SAV1: variants seen among roughly 807,000 people sequenced by gnomAD.
SAV1 encodes the protein protein salvador homolog 1.
SAV1 carries 23 observed loss-of-function variants against 47.3 expected under a neutral mutation model. The observed-to-expected ratio is 0.49, with a 90% CI of 0.35 to 0.69. SAV1 has a LOEUF of 0.69. Among genes scored for constraint, SAV1 ranks in the 30% least tolerant of loss-of-function variants. The pLI, the probability that SAV1 is intolerant of heterozygous loss-of-function variation, is 0.01. For synonymous variants in SAV1, 155 were observed against 159.2 expected (o/e 0.97, Z 0.20); for missense variants, 448 against 457.4 (o/e 0.98, Z 0.19).
Position 50,664,135 on chromosome 14 carries a change from CA to C in SAV1, c.535+1043del, listed in dbSNP as rs1046472716. ...TTACAGTTAGTATCACAAAGTATAA[CA>C]ATTTTTCTGTGACCATTGTGTATAG... On this transcript the variant is annotated intron_variant, in intron 2 of 4. Coordinates refer to ENST00000324679, the MANE Select transcript of SAV1 (RefSeq NM_021818.4). 2.3e-4 allele frequency: 35 copies of C among 152,256 alleles called. 1 individual carries two copies. The highest frequency in any genetic ancestry group is 7.7e-4 in the African/African-American group (32 of 41,540). The allele number at this position is 152,256 out of a possible 1,614,324, so 9.4% of individuals were successfully genotyped here.
At chr14:50,659,933 ACAGG>A (rs1342453168) in intron 2 of SAV1, among the ~76,000 whole-genome samples, 6 of 152,192 alleles carry the variant, frequency 3.9e-5, no homozygotes, top group Non-Finnish European at 8.8e-5. Flanking sequence ...GACTGGCCAA[ACAGG>A]CCAGGCCACT....
intron 3 of SAV1, among the ~76,000 whole-genome samples, chr14:50,643,314 G>C (rs1207063384): frequency 6.6e-6 from 1 of 152,146 alleles, no homozygotes; most frequent in Non-Finnish European, 1.5e-5. Context: ...AAGAAAAGAG[G>C]TTTAATTGAC....
chr14:50,645,133 T>C (rs2039711246), intron 2 of SAV1, 119 bp from the exon 3 acceptor site: 3 of 827,566 alleles, frequency 3.6e-6, no homozygotes, highest in African/African-American at 3.5e-5. Context: ...TTTAAATTCA[T>C]GATTATGCCC....
chr14:50,667,768 C>A, intron 1 of SAV1, 106 bp downstream of exon 1: 1 of 794,286 alleles, frequency 1.3e-6, no homozygotes. Context: ...TTTCACGCGA[C>A]CAAGGACGAA....
At chr14:50,639,815 G>C (rs2039667096) in intron 4 of SAV1, among the ~76,000 whole-genome samples, 1 of 152,128 alleles carries the variant, frequency 6.6e-6, no homozygotes, top group Non-Finnish European at 1.5e-5. Flanking sequence ...AAGGTTAACA[G>C]TTAGGCACAT....
chr14:50,639,500 T>C (rs2039664358), intron 4 of SAV1, among the ~76,000 whole-genome samples: 1 of 152,234 alleles, frequency 6.6e-6, no homozygotes, highest in South Asian at 2.1e-4. Flanking sequence ...TTTAAGTTTT[T>C]AAGCAGTAAA....
At chr14:50,645,549 T>C (rs2039714742) in intron 2 of SAV1, among the ~76,000 whole-genome samples, 1 of 152,196 alleles carries the variant, frequency 6.6e-6, no homozygotes. Context: ...TATCTTATTA[T>C]GTACATACAA....
chr14:50,667,425 CCA>C (rs1262793504), intron 1 of SAV1: 8 of 456,266 alleles, frequency 1.8e-5, no homozygotes, highest in African/African-American at 8.0e-5. Flanking sequence ...GAATTCTGCC[CCA>C]GAGTTCGCAC....
At chr14:50,649,750 C>G (rs926473315) in intron 2 of SAV1, among the ~76,000 whole-genome samples, 3 of 152,172 alleles carry the variant, frequency 2.0e-5, no homozygotes, top group African/African-American at 7.2e-5. Flanking sequence ...ATTTGAATCC[C>G]TGTGCCTGAA....
intron 4 of SAV1, among the ~76,000 whole-genome samples, chr14:50,635,996 C>T (rs903745161): frequency 3.3e-5 from 5 of 152,138 alleles, no homozygotes; most frequent in Non-Finnish European, 7.4e-5. Context: ...TGGGAGCCAC[C>T]GCGCCCGGCC....
chr14:50,640,310 G>A (rs1196369170), intron 4 of SAV1, among the ~76,000 whole-genome samples: 1 of 152,028 alleles, frequency 6.6e-6, no homozygotes, highest in Non-Finnish European at 1.5e-5. Context: ...GTGGAAATGG[G>A]GCTCTCGTTA....
intron 2 of SAV1, among the ~76,000 whole-genome samples, chr14:50,649,446 G>C (rs1467236503): frequency 6.6e-6 from 1 of 152,240 alleles, no homozygotes; most frequent in Non-Finnish European, 1.5e-5. Flanking sequence ...AATAAAGACA[G>C]TGTAGTATTA....
rs768104845 is a variant in SAV1 at position 50,667,960 on chromosome 14, G to T, written c.8C>A (p.Ser3Tyr). The T allele has an allele frequency of 1.9e-6, 3 of 1,610,414 alleles. No homozygotes were observed. In the South Asian group the frequency reaches 3.3e-5, roughly 18 times the overall value. Residue 3 changes from serine to tyrosine, a missense_variant, in exon 1 of 5, where the codon TCC becomes TAC. Ser to Tyr is a moderately radical substitution (Grantham distance 144). Coordinates refer to ENST00000324679, the MANE Select transcript of SAV1 (RefSeq NM_021818.4). The part of the protein sequence containing the change: ML[S>Y]RKKTKNEVSK... ...CACTTCGTTTTTGGTTTTCTTTCGG[G>T]ACAGCATCCTTCTCGACGAGGCCCG... is the stretch of plus-strand genomic sequence containing the variant.
At chr14:50,640,278 G>A (rs529316959) in intron 4 of SAV1, among the ~76,000 whole-genome samples, 91 of 152,058 alleles carry the variant, frequency 6.0e-4, no homozygotes, top group Non-Finnish European at 9.1e-4. Flanking sequence ...CAAAAAGCCT[G>A]GCTAATTTTT....
chr14:50,663,542 T>C (rs1187312039), intron 2 of SAV1, among the ~76,000 whole-genome samples: 2 of 152,200 alleles, frequency 1.3e-5, no homozygotes, highest in Non-Finnish European at 2.9e-5. Flanking sequence ...ACCTCTCCTC[T>C]ACAATGTTCC....
intron 2 of SAV1, chr14:50,663,179 A>G (rs2039874318): frequency 6.6e-6 from 1 of 152,270 alleles, no homozygotes; most frequent in Non-Finnish European, 1.5e-5. Flanking sequence ...AGAAAACTGT[A>G]CAAAATATTA....
chr14:50,653,229 A>T (rs1445698906), intron 2 of SAV1, among the ~76,000 whole-genome samples: 6 of 152,184 alleles, frequency 3.9e-5, no homozygotes, highest in African/African-American at 1.2e-4. Context: ...AAACATTAAT[A>T]AAAAAATGAT....
chr14:50,645,117 C>T (rs2039711128), intron 2 of SAV1, 103 bp from the exon 3 acceptor site: 1 of 965,722 alleles, frequency 1.0e-6, no homozygotes. Context: ...TGATTGTACT[C>T]TTCTATTTAA....
chr14:50,636,125 T>C (rs748257750), intron 4 of SAV1, among the ~76,000 whole-genome samples: 12 of 152,318 alleles, frequency 7.9e-5, no homozygotes, highest in Admixed American at 7.2e-4. Flanking sequence ...CCAGACAACC[T>C]TGAACACAGA....
Sources: gnomAD v4.1 joint callset for allele counts (sites outside exome capture counted in the v4.1 genomes callset) on GRCh38, gnomAD v4.1.1 for gene constraint, MANE v1.5 for transcripts, NCBI Gene and HGNC (gene_info 2026-07-23, HGNC 2026-07-21) for gene names.